Variants in EML4 observed in about 807,000 individuals in gnomAD.
EML4 encodes EMAP like 4.
EML4 carries 72 observed loss-of-function variants against 129.0 expected under a neutral mutation model. The ratio of observed to expected loss-of-function variants is 0.56; its 90% CI spans 0.46 to 0.68. The LOEUF (loss-of-function observed/expected upper bound fraction) is 0.68. Ranked by LOEUF, EML4 falls within the 30% of genes least tolerant of loss-of-function variation. EML4 has a pLI of 0.00. For missense variants in EML4, 1,363 were observed against 1,190.6 expected, an observed-to-expected ratio of 1.14 and a Z score of -2.13; for synonymous variants, 532 against 405.0, an observed-to-expected ratio of 1.31 and a Z score of -3.77.
At chr2:42,279,459 G>A (rs375534847) in intron 6 of EML4, among the ~76,000 whole-genome samples, 15 of 149,976 alleles carry the variant, frequency 1.0e-4, no homozygotes, top group Admixed American at 1.3e-4. Flanking sequence ...AACACTTGCC[G>A]TCTTTTTTTT....
intron 1 of EML4, among the ~76,000 whole-genome samples, chr2:42,180,142 A>G (rs533317113): frequency 6.6e-6 from 1 of 152,212 alleles, no homozygotes; most frequent in Non-Finnish European, 1.5e-5. Flanking sequence ...TATACTTCAT[A>G]GTATGGCATT....
At chr2:42,286,424 C>T (rs1667311723) in intron 10 of EML4, 45 bp downstream of exon 10, 1 of 1,206,528 alleles carries the variant, frequency 8.3e-7, no homozygotes, top group Non-Finnish European at 1.2e-6. Context: ...AACAAAAAAG[C>T]AGGAAAGAAG....
At chr2:42,212,162 A>T (rs1050302537) in intron 1 of EML4, among the ~76,000 whole-genome samples, 3 of 152,062 alleles carry the variant, frequency 2.0e-5, no homozygotes, top group African/African-American at 7.2e-5. Context: ...TTCAAATTGT[A>T]TGTAAATATA....
Position 42,331,273 on chromosome 2 carries a change from T to G in EML4, c.*1066T>G. On this transcript the variant is annotated 3_prime_UTR_variant, in exon 23 of 23. Transcript: ENST00000318522. ...GAAGTGTGGGTAACAGTCACAGCAG[T>G]TTTTTTTACCAACAGCATACTTAAC... The G allele has an allele frequency of 4.5e-6, 1 of 221,710 alleles. No homozygotes were observed. The highest frequency in any genetic ancestry group is 2.2e-5 in the African/African-American group (1 of 44,772). 13.7% of individuals were successfully genotyped at this position (221,710 alleles called of 1,614,324 possible).
chr2:42,323,943 CAATT>C (rs573085261), intron 19 of EML4, among the ~76,000 whole-genome samples: 102 of 137,344 alleles, frequency 7.4e-4, no homozygotes, highest in Non-Finnish European at 1.3e-3. Flanking sequence ...GACTCTGTCT[CAATT>C]AAAAAAAAAA....
intron 1 of EML4, among the ~76,000 whole-genome samples, chr2:42,189,042 G>C (rs1671430461): frequency 6.6e-6 from 1 of 152,014 alleles, no homozygotes; most frequent in South Asian, 2.1e-4. Flanking sequence ...TTTTGTTTAA[G>C]TTTTTTAAGA....
At chr2:42,325,596 TTATA>T (rs1399431122) in intron 20 of EML4, 42 bp downstream of exon 20, 4 of 150,968 alleles carry the variant, frequency 2.6e-5, no homozygotes, top group East Asian at 2.1e-4. Context: ...TATGCTATGA[TTATA>T]TTTATATATA....
chr2:42,281,847 G>C (rs940181083), intron 7 of EML4, among the ~76,000 whole-genome samples: 1 of 152,112 alleles, frequency 6.6e-6, no homozygotes, highest in African/African-American at 2.4e-5. Context: ...GGAGTTGGTA[G>C]TTTGAACTCT....
chr2:42,312,635 C>T (rs1023402812), intron 17 of EML4, among the ~76,000 whole-genome samples: 2 of 151,560 alleles, frequency 1.3e-5, no homozygotes, highest in Non-Finnish European at 2.9e-5. Flanking sequence ...CTCACTGCAA[C>T]CTCCACCTCC....
At chr2:42,321,354 GC>G (rs977111617) in intron 19 of EML4, among the ~76,000 whole-genome samples, 1 of 152,076 alleles carries the variant, frequency 6.6e-6, no homozygotes, top group African/African-American at 2.4e-5. Context: ...CTGCACTCCA[GC>G]CTGGGCGACA....
intron 1 of EML4, among the ~76,000 whole-genome samples, chr2:42,181,333 C>G (rs1670927446): frequency 6.6e-6 from 1 of 152,148 alleles, no homozygotes; most frequent in African/African-American, 2.4e-5. Flanking sequence ...GGGTCTCACT[C>G]TATTGCCCAG....
chr2:42,204,205 C>T (rs773309402), intron 1 of EML4, among the ~76,000 whole-genome samples: 9 of 152,146 alleles, frequency 5.9e-5, no homozygotes, highest in African/African-American at 1.4e-4. Flanking sequence ...CAGGTATAAG[C>T]CACCATACCT....
In EML4 at chr2:42,328,945, A is replaced by G. The variant is rs2103846770; in HGVS notation, c.2401A>G (p.Arg801Gly). The stretch of plus-strand genomic sequence containing the variant: ...CAATGCACTGGTGCGATCCCACAAT[A>G]GAAAGGTGATAGCTGTTGCCGATGA... ...DINALVRSHN[R>G]KVIAVADDFC... is the part of the protein sequence containing the mutation. The change falls in exon 22 of 23, where the codon AGA (arginine) becomes GGA (glycine). Residue 801 changes from arginine to glycine, a missense_variant. By Grantham distance (125) the Arg-to-Gly change is moderately radical. Coordinates refer to ENST00000318522, the MANE Select transcript of EML4 (RefSeq NM_019063.5). The G allele has an allele frequency of 6.2e-7, 1 of 1,613,574 alleles. No individual in the cohort carries two copies. The highest frequency in any genetic ancestry group is 8.5e-7 in the Non-Finnish European group (1 of 1,179,774).
At chr2:42,306,290 A>G (rs550936658) in intron 17 of EML4, among the ~76,000 whole-genome samples, 8 of 152,218 alleles carry the variant, frequency 5.3e-5, no homozygotes, top group African/African-American at 1.4e-4. Flanking sequence ...ATTTTCTTCA[A>G]CCAAAAAAAA....
chr2:42,242,492 C>T (rs1422295237), intron 1 of EML4, among the ~76,000 whole-genome samples: 1 of 152,194 alleles, frequency 6.6e-6, no homozygotes, highest in African/African-American at 2.4e-5. Context: ...TTTTGACAGT[C>T]CTAGGGTGAC....
intron 1 of EML4, among the ~76,000 whole-genome samples, chr2:42,199,700 TAAG>T (rs1357785774): frequency 2.6e-5 from 4 of 152,006 alleles, no homozygotes; most frequent in African/African-American, 4.8e-5. Flanking sequence ...TATTTGAAAA[TAAG>T]AAGCATTGCA....
chr2:42,227,953 C>G (rs1019921120), intron 1 of EML4, among the ~76,000 whole-genome samples: 2 of 152,180 alleles, frequency 1.3e-5, no homozygotes, highest in East Asian at 3.9e-4. Context: ...GGCACAGTGG[C>G]TCACACCTGT....
chr2:42,327,406 T>G (rs1363797487), intron 21 of EML4, among the ~76,000 whole-genome samples: 1 of 152,232 alleles, frequency 6.6e-6, no homozygotes, highest in African/African-American at 2.4e-5. Context: ...GTTTACTCTT[T>G]TGAGCAACTG....
At chr2:42,206,655 C>G (rs1672564578) in intron 1 of EML4, among the ~76,000 whole-genome samples, 1 of 152,120 alleles carries the variant, frequency 6.6e-6, no homozygotes, top group Admixed American at 6.5e-5. Context: ...TGTAGGCTGT[C>G]TCTCAATTTA....
Sources: gnomAD v4.1 joint callset for allele counts (sites outside exome capture counted in the v4.1 genomes callset) on GRCh38, gnomAD v4.1.1 for gene constraint, MANE v1.5 for transcripts, NCBI Gene and HGNC (gene_info 2026-07-23, HGNC 2026-07-21) for gene names.